The following MICALL1 variants were observed in gnomAD, a reference collection of about 807,000 sequenced individuals.
MICALL1 encodes the protein MICAL like 1, also known as MICAL-like protein 1.
Under a neutral mutation model 83.7 loss-of-function variants are expected in MICALL1, and 61 were observed. The ratio of observed to expected loss-of-function variants is 0.73; its 90% CI spans 0.59 to 0.90. The LOEUF (loss-of-function observed/expected upper bound fraction) is 0.90. MICALL1 is among the 40% of genes least tolerant of loss of function. The probability of loss-of-function intolerance (pLI) is 0.00; values close to 1 mark genes in which losing one functional copy is unlikely to be tolerated. For synonymous variants in MICALL1, 481 were observed against 473.6 expected (o/e 1.02, Z -0.20); for missense variants, 1,066 against 1,152.0 (o/e 0.93, Z 1.08).
chr22:37,939,643 G>A (rs1447874468), intron 15 of MICALL1, among the ~76,000 whole-genome samples: 3 of 151,942 alleles, frequency 2.0e-5, no homozygotes, highest in African/African-American at 4.8e-5. Context: ...GCATGGCAGC[G>A]CTTGCGTGTA....
In MICALL1 at chr22:37,937,195, G is replaced by GT; in HGVS notation, c.2423+2dup. The GT allele has an allele frequency of 6.5e-7, 1 of 1,550,138 alleles. No homozygotes were observed. The highest frequency in any genetic ancestry group is 8.7e-7 in the Non-Finnish European group (1 of 1,146,264). The stretch of plus-strand genomic sequence containing the variant: ...ACTGCCTGGATGAGGACCGGCAGAG[G>GT]TGACATGGCCAGGGGTGGGGGGTCC... On this transcript the variant is annotated splice_donor_variant, in intron 14 of 15. Coordinates refer to ENST00000215957, the MANE Select transcript of MICALL1 (RefSeq NM_033386.4). LOFTEE classifies it high-confidence loss of function.
At chr22:37,909,683 G>GGGAT (rs1274830632) in intron 1 of MICALL1, among the ~76,000 whole-genome samples, 1 of 152,248 alleles carries the variant, frequency 6.6e-6, no homozygotes, top group Non-Finnish European at 1.5e-5. Context: ...AAGCAAGGGA[G>GGGAT]GGATGTGGCT....
intron 13 of MICALL1, 107 bp downstream of exon 13, chr22:37,933,219 G>T: frequency 8.6e-7 from 1 of 1,167,504 alleles, no homozygotes; most frequent in Non-Finnish European, 1.2e-6. Flanking sequence ...CAGGCAGACT[G>T]GGGACAGGGC....
chr22:37,938,350 C>T (rs1012364015), intron 15 of MICALL1, among the ~76,000 whole-genome samples: 8 of 145,780 alleles, frequency 5.5e-5, no homozygotes, highest in South Asian at 2.2e-4. Context: ...TGCAGTGAGC[C>T]GAGATCACGC....
rs1445398947 is a variant in MICALL1, at chr22:37,912,247, C to G, written c.196-104C>G. 9 of 1,403,536 alleles carry G rather than the reference C, an allele frequency of 6.4e-6. No individual in the cohort carries two copies. In the East Asian group the frequency reaches 1.6e-4, roughly 25 times the overall value. 86.9% of individuals were successfully genotyped at this position (1,403,536 alleles called of 1,614,324 possible). A position where few individuals can be genotyped will look rare whatever the true frequency, so the allele number is the denominator to read the frequency against. ...TACTGAGGGGAGCCCACAGTCACCC[C>G]ATCCCACTGAAGGGAGCTGGGCCTA... On this transcript the variant is annotated intron_variant, in intron 2 of 15. Transcript: ENST00000215957.
chr22:37,915,426 C>G (rs1928615511), intron 3 of MICALL1, among the ~76,000 whole-genome samples: 1 of 152,114 alleles, frequency 6.6e-6, no homozygotes. Flanking sequence ...CCCAGAGGCT[C>G]TGGTGAGAGG....
In MICALL1 at chr22:37,922,040, T is replaced by G; in HGVS notation, c.638T>G (p.Val213Gly). 6.2e-7 allele frequency: 1 copy of G among 1,612,936 alleles called. No individual in the cohort carries two copies. Among genetic ancestry groups the G allele is most frequent in the African/African-American group, 1.3e-5 (1 of 75,028 alleles). ...AATGGGCCTGAGGAGGGCACCTTTGTGTGTGCAGAACACTGTGCCAGGCTG... is the reference window on the plus strand; with the variant it reads ...AATGGGCCTGAGGAGGGCACCTTTGGGTGTGCAGAACACTGTGCCAGGCTG... The part of the protein sequence containing the change: ...YENGPEEGTF[V>G]CAEHCARLGP... Residue 213 changes from valine to glycine, a missense_variant, in exon 6 of 16, where the codon GTG becomes GGG. Physicochemically the swap from Val to Gly is moderately radical, Grantham distance 109. Transcript: ENST00000215957.
At chr22:37,916,487 G>A (rs1344619244) in intron 3 of MICALL1, among the ~76,000 whole-genome samples, 1 of 152,228 alleles carries the variant, frequency 6.6e-6, no homozygotes, top group Non-Finnish European at 1.5e-5. Flanking sequence ...GACTCCCCCA[G>A]ATGGTCCTGT....
rs1431311057 is a variant in MICALL1 at position 37,927,581 on chromosome 22, G to A, written c.1636G>A (p.Gly546Ser). Reference sequence around the variant, plus strand: ...CTCAGAGCCTGCTGTCCATGCCCCTGGTACCCCTGGAAACCCTGTCAGCCT... The same window carrying A: ...CTCAGAGCCTGCTGTCCATGCCCCTAGTACCCCTGGAAACCCTGTCAGCCT... ...SSSEPAVHAP[G>S]TPGNPVSLST... Residue 546 changes from glycine (G) to serine (S), a missense_variant, in exon 9 of 16, where the codon GGT (glycine) becomes AGT (serine). Transcript: ENST00000215957. The A allele has an allele frequency of 6.2e-7, 1 of 1,613,318 alleles. No homozygotes were observed. Among genetic ancestry groups the A allele is most frequent in the African/African-American group, 1.3e-5 (1 of 74,916 alleles).
rs752016278 is a variant in MICALL1, at chr22:37,925,773, A to G, written c.1195A>G (p.Ser399Gly). The change falls in exon 8 of 16, where the codon AGC (serine) becomes GGC (glycine). Residue 399 changes from serine to glycine, a missense_variant. Transcript: ENST00000215957. ...SSSPGPPSQD[S>G]RQVENGGTEE... ...CAGCCCGGGGCCACCAAGCCAGGAC[A>G]GCAGGCAGGTGGAGAATGGAGGCAC... 3 of 1,613,218 alleles carry G rather than the reference A, an allele frequency of 1.9e-6. No homozygotes were observed. In the African/African-American group the frequency reaches 4.0e-5, roughly 22 times the overall value.
In MICALL1 at chr22:37,906,642, C is replaced by T; in HGVS notation, c.146+74C>T. On this transcript the variant is annotated intron_variant, in intron 1 of 15. Transcript: ENST00000215957. The surrounding 1 kb of genome is among the most constrained non-coding windows in gnomAD (Gnocchi z 4.4). Reference sequence around the variant, plus strand: ...CGCGACCGCCGCCCCCCCTCAGTAACACGAAGCCCGGGCGGTGACAGGCGC... The same window carrying T: ...CGCGACCGCCGCCCCCCCTCAGTAATACGAAGCCCGGGCGGTGACAGGCGC... The T allele has an allele frequency of 8.9e-7, 1 of 1,123,298 alleles. No individual in the cohort carries two copies. Among genetic ancestry groups the T allele is most frequent in the Non-Finnish European group, 1.1e-6 (1 of 915,388 alleles). 69.6% of individuals were successfully genotyped at this position (1,123,298 alleles called of 1,614,324 possible).
In MICALL1 at chr22:37,912,091, C is replaced by T. The variant is rs79077783; in HGVS notation, c.195+91C>T. On this transcript the variant is annotated intron_variant, in intron 2 of 15. Coordinates refer to ENST00000215957, the MANE Select transcript of MICALL1 (RefSeq NM_033386.4). Reference sequence around the variant, plus strand: ...TGGTGGGGAGGGCAGGGGTCTTGCACGGTGGCTGCCCTTGTACACCGGCCC... The same window carrying T: ...TGGTGGGGAGGGCAGGGGTCTTGCATGGTGGCTGCCCTTGTACACCGGCCC... 2,551 of 1,466,200 alleles carry T rather than the reference C, an allele frequency of 1.7e-3. 38 individuals are homozygous for T. The African/African-American group carries it at 0.031, about 18-fold the overall frequency. The allele number at this position is 1,466,200 out of a possible 1,614,324, so 90.8% of individuals were successfully genotyped here.
chr22:37,919,114 C>A lies in MICALL1; in HGVS notation c.505C>A (p.Gln169Lys). 6.4e-7 allele frequency: 1 copy of A among 1,551,760 alleles called. No homozygotes were observed. The highest frequency in any genetic ancestry group is 8.7e-7 in the Non-Finnish European group (1 of 1,147,470). ...TPSSTCAACQ[Q>K]HVHLVQRYLA... ...CAGCAGCACGTGCGCAGCCTGCCAG[C>A]AGCATGTGCACTTGGTGCAGCGCTA... The change falls in exon 5 of 16, where the codon CAG becomes AAG. Residue 169 changes from glutamine (Q) to lysine (K), a missense_variant. Coordinates refer to ENST00000215957, the MANE Select transcript of MICALL1 (RefSeq NM_033386.4).
intron 1 of MICALL1, among the ~76,000 whole-genome samples, chr22:37,910,705 C>T (rs369492255): frequency 3.0e-4 from 46 of 152,298 alleles, no homozygotes; most frequent in African/African-American, 1.1e-3. Context: ...CCAGGGTTCA[C>T]AGTCCCTGGC....
intron 4 of MICALL1, 30 bp downstream of exon 4, chr22:37,917,825 C>T: frequency 6.2e-7 from 1 of 1,600,188 alleles, no homozygotes; most frequent in Non-Finnish European, 8.6e-7. Flanking sequence ...GGTGGGAGGG[C>T]CAGGGGTGGA....
rs1184801156 is a variant in MICALL1 at position 37,911,805 on chromosome 22, C to T, written c.147-147C>T. 9.1e-6 allele frequency: 7 copies of T among 768,958 alleles called. No individual in the cohort carries two copies. The East Asian group carries it at 1.7e-4, about 19-fold the overall frequency. 47.6% of individuals were successfully genotyped at this position (768,958 alleles called of 1,614,324 possible). A position where few individuals can be genotyped will look rare whatever the true frequency, so the allele number is the denominator to read the frequency against. On this transcript the variant is annotated intron_variant, in intron 1 of 15. Coordinates refer to ENST00000215957, the MANE Select transcript of MICALL1 (RefSeq NM_033386.4). ...CTGCCTCAGTTTCCCCCTTAGTAAT[C>T]CACAGACTCCCCCCCAGCAACCCTG... is the stretch of plus-strand genomic sequence containing the variant.
At chr22:37,933,679 G>T (rs991501863) in intron 13 of MICALL1, among the ~76,000 whole-genome samples, 1 of 152,170 alleles carries the variant, frequency 6.6e-6, no homozygotes, top group Non-Finnish European at 1.5e-5. Context: ...TGTGACCGTG[G>T]AATGCAGTGA....
intron 13 of MICALL1, among the ~76,000 whole-genome samples, 174 bp from the exon 14 acceptor site, chr22:37,936,906 A>C (rs199995711): frequency 4.6e-5 from 7 of 151,976 alleles, no homozygotes; most frequent in South Asian, 2.1e-4. Context: ...AAAAAAACAA[A>C]AAAAAAAGAA....
intron 3 of MICALL1, among the ~76,000 whole-genome samples, chr22:37,916,488 A>G (rs1003045252): frequency 4.6e-5 from 7 of 152,204 alleles, no homozygotes; most frequent in African/African-American, 1.7e-4. Flanking sequence ...ACTCCCCCAG[A>G]TGGTCCTGTA....
Sources: allele counts gnomAD v4.1 joint callset (sites outside exome capture counted in the v4.1 genomes callset), GRCh38; gene constraint gnomAD v4.1.1; non-coding constraint Gnocchi (gnomAD v3.1); transcripts MANE v1.5; gene names NCBI Gene and HGNC (gene_info 2026-07-23, HGNC 2026-07-21).